The following EPHB2 variants were observed in gnomAD, a reference collection of about 807,000 sequenced individuals.
EPHB2 encodes EPH receptor B2.
EPHB2 carries 18 observed loss-of-function variants against 96.4 expected under a neutral mutation model. That is an observed-to-expected ratio of 0.19 (90% CI 0.13 to 0.28). The LOEUF (loss-of-function observed/expected upper bound fraction) is 0.28. Ranked by LOEUF, EPHB2 falls within the 10% of genes least tolerant of loss-of-function variation. The pLI is 1.00. For missense variants in EPHB2, 989 were observed against 1,355.4 expected (o/e 0.73, Z 4.25); for synonymous variants, 506 against 534.1 (o/e 0.95, Z 0.72).
At chr1:22,768,366 G>A (rs1644333891) in intron 1 of EPHB2, among the ~76,000 whole-genome samples, 2 of 152,202 alleles carry the variant, frequency 1.3e-5, no homozygotes, top group Admixed American at 1.3e-4. Flanking sequence ...TAGGGATGAA[G>A]TCTTAGTCCT....
chr1:22,754,931 G>A (rs1158637209), intron 1 of EPHB2, among the ~76,000 whole-genome samples: 1 of 149,054 alleles, frequency 6.7e-6, no homozygotes, highest in African/African-American at 2.6e-5. Context: ...GAGGTGAGGT[G>A]AGGGGCAGGG....
intron 1 of EPHB2, among the ~76,000 whole-genome samples, chr1:22,728,258 T>C (rs1570161952): frequency 2.6e-5 from 4 of 152,220 alleles, no homozygotes; most frequent in Admixed American, 2.6e-4. Context: ...AAGGAATACA[T>C]ATGATTTACG....
intron 1 of EPHB2, among the ~76,000 whole-genome samples, chr1:22,752,154 G>GTGTTATTTATGAT (rs1461849369): frequency 1.3e-5 from 2 of 152,214 alleles, no homozygotes; most frequent in African/African-American, 4.8e-5. Flanking sequence ...TACTTCACAG[G>GTGTTATTTATGAT]TGTTATTTAT....
At chr1:22,808,898 C>T (rs1186982667) in intron 3 of EPHB2, among the ~76,000 whole-genome samples, 1 of 152,236 alleles carries the variant, frequency 6.6e-6, no homozygotes, top group Non-Finnish European at 1.5e-5. Flanking sequence ...TATGTCCTGT[C>T]CTCCATCGTC....
chr1:22,841,765 G>C (rs1340029309), intron 3 of EPHB2, among the ~76,000 whole-genome samples: 1 of 152,224 alleles, frequency 6.6e-6, no homozygotes, highest in Non-Finnish European at 1.5e-5. Context: ...CACTCCTGCT[G>C]TATATGTCAC....
chr1:22,897,032 C>T (rs1255991517), intron 9 of EPHB2, among the ~76,000 whole-genome samples: 1 of 152,220 alleles, frequency 6.6e-6, no homozygotes, highest in Non-Finnish European at 1.5e-5. Context: ...CTCCTTCCTT[C>T]TCTTCCTCTC....
At chr1:22,869,894 C>T (rs893054035) in intron 5 of EPHB2, among the ~76,000 whole-genome samples, 2 of 152,188 alleles carry the variant, frequency 1.3e-5, no homozygotes, top group Non-Finnish European at 2.9e-5. Context: ...CATCGGCACT[C>T]GCAGCACACA....
intron 1 of EPHB2, among the ~76,000 whole-genome samples, chr1:22,728,618 A>C (rs1369423146): frequency 6.6e-6 from 1 of 152,142 alleles, no homozygotes; most frequent in African/African-American, 2.4e-5. Flanking sequence ...TCTGGACTTC[A>C]GTTTTCCCAC....
chr1:22,737,131 T>C (rs1036292173), intron 1 of EPHB2, among the ~76,000 whole-genome samples: 4 of 152,156 alleles, frequency 2.6e-5, no homozygotes, highest in Non-Finnish European at 1.5e-5. Flanking sequence ...CGGCCCTTTT[T>C]AGCTGTGCCT....
In EPHB2 at chr1:22,909,192, G is replaced by A. The variant is rs777307425; in HGVS notation, c.2502+21G>A. ...AGGATGTAAGTCTCCAAGGGGATAGGCAAGGCCTCTCTGGCCCACCAGATG... is the reference window on the plus strand; with the variant it reads ...AGGATGTAAGTCTCCAAGGGGATAGACAAGGCCTCTCTGGCCCACCAGATG... On this transcript the variant is annotated intron_variant, in intron 13 of 15. Transcript: ENST00000374630. 3.7e-6 allele frequency: 6 copies of A among 1,613,988 alleles called. No homozygotes were observed. In the South Asian group the frequency reaches 4.4e-5, roughly 12 times the overall value.
intron 3 of EPHB2, among the ~76,000 whole-genome samples, chr1:22,787,842 G>A (rs886389175): frequency 3.9e-5 from 6 of 152,336 alleles, no homozygotes; most frequent in African/African-American, 1.2e-4. Context: ...CCATGAGGTT[G>A]CACTCAAGGT....
At chr1:22,865,652 C>T (rs1057482870) in intron 5 of EPHB2, among the ~76,000 whole-genome samples, 1 of 152,086 alleles carries the variant, frequency 6.6e-6, no homozygotes, top group African/African-American at 2.4e-5. Flanking sequence ...CATGTCTGTG[C>T]GAAGAGAGGG....
chr1:22,777,765 C>G (rs1644473137), intron 1 of EPHB2, among the ~76,000 whole-genome samples: 1 of 152,122 alleles, frequency 6.6e-6, no homozygotes, highest in Admixed American at 6.5e-5. Flanking sequence ...TAAGTTGGAG[C>G]CTCTTGGGCC....
In EPHB2 at chr1:22,845,369, C is replaced by T. The variant is rs556193040; in HGVS notation, c.812-17668C>T. 3.3e-5 allele frequency among the ~76,000 whole-genome samples: 5 copies of T among 152,268 alleles called. No homozygotes were observed. In the East Asian group the frequency reaches 5.8e-4, roughly 18 times the overall value. Reference sequence around the variant, plus strand: ...TAAATGTTAAAACATTAGTTCTGGCCGCTTTTGGAACTAAAGAGACCCTTC... The same window carrying T: ...TAAATGTTAAAACATTAGTTCTGGCTGCTTTTGGAACTAAAGAGACCCTTC... On this transcript the variant is annotated intron_variant, in intron 3 of 15. Coordinates refer to ENST00000374630, the MANE Select transcript of EPHB2 (RefSeq NM_017449.5).
intron 3 of EPHB2, among the ~76,000 whole-genome samples, chr1:22,814,473 G>A (rs1318816065): frequency 6.6e-6 from 1 of 152,084 alleles, no homozygotes; most frequent in Non-Finnish European, 1.5e-5. Flanking sequence ...GGAAAGTGGG[G>A]GGGTGCAAAT....
chr1:22,715,784 T>A (rs1415308207), intron 1 of EPHB2, among the ~76,000 whole-genome samples: 2 of 152,162 alleles, frequency 1.3e-5, no homozygotes, highest in East Asian at 3.9e-4. Context: ...TCACAGGCAG[T>A]GTGTGGTAGA....
intron 2 of EPHB2, among the ~76,000 whole-genome samples, chr1:22,781,902 G>A (rs1227463803): frequency 1.3e-5 from 2 of 152,138 alleles, no homozygotes; most frequent in South Asian, 2.1e-4. Context: ...AGAAAACCGA[G>A]GCTCAGAAAG....
At chr1:22,735,726 G>A (rs1643813194) in intron 1 of EPHB2, among the ~76,000 whole-genome samples, 2 of 152,158 alleles carry the variant, frequency 1.3e-5, no homozygotes, top group Admixed American at 1.3e-4. Flanking sequence ...CTTAACTCAT[G>A]GGAATTTGCC....
At chr1:22,719,182 G>A (rs1643371211) in intron 1 of EPHB2, among the ~76,000 whole-genome samples, 1 of 152,120 alleles carries the variant, frequency 6.6e-6, no homozygotes, top group Non-Finnish European at 1.5e-5. Flanking sequence ...TTTGCAGCTT[G>A]TACTTCCAAA....
Sources: allele counts gnomAD v4.1 joint callset (sites outside exome capture counted in the v4.1 genomes callset), GRCh38; gene constraint gnomAD v4.1.1; transcripts MANE v1.5; gene names NCBI Gene and HGNC (gene_info 2026-07-23, HGNC 2026-07-21).